The following POLR3B variants were observed in gnomAD, a reference collection of about 807,000 sequenced individuals.
POLR3B encodes RNA polymerase III subunit B, also known as DNA-directed RNA polymerase III subunit RPC2.
A neutral mutation model predicts 147.4 loss-of-function variants in POLR3B; 96 were observed. The observed-to-expected ratio is 0.65, with a 90% CI of 0.55 to 0.77. The LOEUF is 0.77. Ranked by LOEUF, POLR3B falls within the 30% of genes least tolerant of loss-of-function variation. The pLI is 0.00. For synonymous variants in POLR3B, 461 were observed against 485.9 expected (o/e 0.95, Z 0.67); for missense variants, 1,036 against 1,413.5 (o/e 0.73, Z 4.28).
intron 27 of POLR3B, among the ~76,000 whole-genome samples, chr12:106,506,316 A>G (rs1335923477): frequency 6.6e-6 from 1 of 152,226 alleles, no homozygotes; most frequent in African/African-American, 2.4e-5. Context: ...AGGATGGTAC[A>G]GAAGAATCAC....
At chr12:106,457,036 G>T in intron 20 of POLR3B, 102 bp from the exon 21 acceptor site, 1 of 960,156 alleles carries the variant, frequency 1.0e-6, no homozygotes, top group Non-Finnish European at 1.7e-6. Context: ...TTGGGATTTG[G>T]GGGAGGGTGA....
Position 106,388,856 on chromosome 12 carries a change from CTTTT to C in POLR3B, c.724-4173_724-4170del, listed in dbSNP as rs1468608793. Among the ~76,000 whole-genome samples the C allele has an allele frequency of 4.6e-5, 7 of 152,238 alleles. No individual in the cohort carries two copies. In the East Asian group the frequency reaches 9.6e-4, roughly 21 times the overall value. On this transcript the variant is annotated intron_variant, in intron 9 of 27. Coordinates refer to ENST00000228347, the MANE Select transcript of POLR3B (RefSeq NM_018082.6). ...TCAGTCTCTTTTGCTCATTAGTATT[CTTTT>C]TGTCTTTAAAAGTCACGCTTTGTAG...
intron 18 of POLR3B, among the ~76,000 whole-genome samples, chr12:106,438,445 A>C (rs2037606652): frequency 6.6e-6 from 1 of 151,940 alleles, no homozygotes; most frequent in African/African-American, 2.4e-5. Context: ...AGATATATCC[A>C]TATATCCATA....
At chr12:106,480,072 C>T (rs1011722464) in intron 23 of POLR3B, among the ~76,000 whole-genome samples, 34 of 151,462 alleles carry the variant, frequency 2.2e-4, no homozygotes, top group African/African-American at 7.8e-4. Context: ...AGGCTGGTCT[C>T]GAACTTCTAG....
intron 23 of POLR3B, among the ~76,000 whole-genome samples, chr12:106,494,501 T>C (rs567437264): frequency 6.6e-6 from 1 of 152,318 alleles, no homozygotes; most frequent in African/African-American, 2.4e-5. Context: ...AACCGGCCCC[T>C]TTAGGGATTG....
At chr12:106,459,025 ATGTG>A (rs113294680) in intron 21 of POLR3B, among the ~76,000 whole-genome samples, 1 of 149,994 alleles carries the variant, frequency 6.7e-6, no homozygotes, top group Non-Finnish European at 1.5e-5. Context: ...ATAGACTATG[ATGTG>A]TGTGTGTGTG....
At chr12:106,361,765 C>G (rs1381139332) in intron 1 of POLR3B, among the ~76,000 whole-genome samples, 1 of 152,106 alleles carries the variant, frequency 6.6e-6, no homozygotes, top group Non-Finnish European at 1.5e-5. Context: ...TTGAAGAACA[C>G]CAAAATTTGC....
intron 16 of POLR3B, among the ~76,000 whole-genome samples, chr12:106,434,254 G>T (rs1270347584): frequency 3.9e-5 from 6 of 152,162 alleles, no homozygotes. Context: ...GGAAACTGAG[G>T]TTCAGTGAGG....
rs1312006138 is a variant in POLR3B, at chr12:106,405,975, C to T, written c.965C>T (p.Pro322Leu). Reference protein sequence around the residue: ...LLASTILTHVPVKEFNFRAKC... With the variant: ...LLASTILTHVLVKEFNFRAKC... ...GCTTCCACCATTCTGACCCATGTCC[C>T]AGTGAGTAACACTTCGTTATTGTGA... is the stretch of plus-strand genomic sequence containing the variant. The change falls in exon 11 of 28, where the codon CCA becomes CTA. Residue 322 changes from proline (P) to leucine (L), a missense_variant and splice_region_variant. Around this residue, in one of 12 missense-constraint regions of POLR3B, gnomAD observed 217 missense variants for 288.7 expected, o/e 0.75. Coordinates refer to ENST00000228347, the MANE Select transcript of POLR3B (RefSeq NM_018082.6). 1.9e-6 allele frequency: 3 copies of T among 1,613,672 alleles called. No individual in the cohort carries two copies. Among genetic ancestry groups the T allele is most frequent in the East Asian group, 4.5e-5 (2 of 44,854 alleles).
Position 106,504,802 on chromosome 12 carries a change from C to A in POLR3B, c.3272+548C>A, listed in dbSNP as rs1055505176. Reference sequence around the variant, plus strand: ...CTGTAGATTCTGTGAGGGCAGAAACCGGGTCTGTCTCAGTAATTTATTCAG... The same window carrying A: ...CTGTAGATTCTGTGAGGGCAGAAACAGGGTCTGTCTCAGTAATTTATTCAG... On this transcript the variant is annotated intron_variant, in intron 27 of 27. Coordinates refer to ENST00000228347, the MANE Select transcript of POLR3B (RefSeq NM_018082.6). This position sits in a 1 kb window ranked among gnomAD's most constrained non-coding sequence, Gnocchi z 4.6. 1.3e-5 allele frequency among the ~76,000 whole-genome samples: 2 copies of A among 152,134 alleles called. No homozygotes were observed. Among genetic ancestry groups the A allele is most frequent in the Non-Finnish European group, 2.9e-5 (2 of 68,026 alleles).
chr12:106,492,351 G>A (rs911146960), intron 23 of POLR3B, among the ~76,000 whole-genome samples: 2 of 151,880 alleles, frequency 1.3e-5, no homozygotes, highest in Non-Finnish European at 2.9e-5. Flanking sequence ...CTTGAGACCA[G>A]CCTGGGCAAC....
intron 11 of POLR3B, 58 bp from the exon 12 acceptor site, chr12:106,410,768 G>T: frequency 7.2e-7 from 1 of 1,381,672 alleles, no homozygotes; most frequent in Non-Finnish European, 1.0e-6. Flanking sequence ...TTTTCTTGAG[G>T]TACGTTAAAT....
chr12:106,430,176 A>G (rs1593036939), intron 13 of POLR3B, 97 bp from the exon 14 acceptor site: 7 of 862,302 alleles, frequency 8.1e-6, no homozygotes, highest in South Asian at 8.0e-5. Flanking sequence ...TTTCGTAAGC[A>G]TGAAGCTCCT....
chr12:106,411,160 C>T (rs1417959816), intron 12 of POLR3B, among the ~76,000 whole-genome samples, 200 bp downstream of exon 12: 8 of 151,950 alleles, frequency 5.3e-5, no homozygotes, highest in Middle Eastern at 3.4e-3. Context: ...TCTTTTGAGA[C>T]GGAGTTTTGC....
intron 23 of POLR3B, among the ~76,000 whole-genome samples, chr12:106,486,453 TTTCTC>T (rs2038341080): frequency 6.6e-6 from 1 of 152,072 alleles, no homozygotes; most frequent in Non-Finnish European, 1.5e-5. Flanking sequence ...AGGTGGCTCT[TTTCTC>T]TTCTTGTATC....
intron 10 of POLR3B, among the ~76,000 whole-genome samples, chr12:106,395,320 T>A (rs1219210606): frequency 2.0e-5 from 3 of 152,172 alleles, no homozygotes; most frequent in Non-Finnish European, 2.9e-5. Context: ...AAAACCTGCT[T>A]CTGGGGAGGC....
At chr12:106,402,921 A>C (rs2037090400) in intron 10 of POLR3B, among the ~76,000 whole-genome samples, 1 of 152,198 alleles carries the variant, frequency 6.6e-6, no homozygotes, top group African/African-American at 2.4e-5. Context: ...TGTCTAAAAC[A>C]CCAAAAGCAA....
At chr12:106,378,995 G>A (rs2036720648) in intron 8 of POLR3B, among the ~76,000 whole-genome samples, 1 of 152,150 alleles carries the variant, frequency 6.6e-6, no homozygotes, top group South Asian at 2.1e-4. Context: ...GTAGTTTCCT[G>A]TTTGATAACC....
intron 11 of POLR3B, among the ~76,000 whole-genome samples, chr12:106,406,899 C>T (rs1038869244): frequency 2.0e-5 from 3 of 152,052 alleles, no homozygotes; most frequent in African/African-American, 2.4e-5. Context: ...GTGTTCCATC[C>T]GTGAATAATC....
Sources: allele counts gnomAD v4.1 joint callset (sites outside exome capture counted in the v4.1 genomes callset), GRCh38; gene constraint gnomAD v4.1.1; regional missense constraint gnomAD v4.1.1; non-coding constraint Gnocchi (gnomAD v3.1); transcripts MANE v1.5; gene names NCBI Gene and HGNC (gene_info 2026-07-23, HGNC 2026-07-21).